SZT2: variants seen among roughly 807,000 people sequenced by gnomAD.
The protein encoded by SZT2 is SZT2 subunit of KICSTOR complex, also known as KICSTOR complex protein SZT2.
In SZT2, 216 loss-of-function variants were observed where a neutral mutation model predicts 404.2. The ratio of observed to expected loss-of-function variants is 0.53; its 90% confidence interval spans 0.48 to 0.60. SZT2 has a LOEUF of 0.60. Ranked by LOEUF, SZT2 falls within the 20% of genes least tolerant of loss-of-function variation. SZT2 has a pLI of 0.00. For missense variants in SZT2, 3,857 were observed against 4,459.2 expected (o/e 0.86, Z 3.85); for synonymous variants, 1,693 against 1,749.9 (o/e 0.97, Z 0.81).
At chr1:43,449,136 A>T (rs976613402) in intron 70 of SZT2, 1 of 206,238 alleles carries the variant, frequency 4.8e-6, no homozygotes. Context: ...CTCCGGCCAC[A>T]TTTCAGACTG....
At chr1:43,404,292 G>A in intron 3 of SZT2, 88 bp from the exon 4 acceptor site, 1 of 1,124,636 alleles carries the variant, frequency 8.9e-7, no homozygotes, top group Non-Finnish European at 1.3e-6. Context: ...TAAGTTAAGT[G>A]TCCTACTGAC....
rs1390897323 is a variant in SZT2 at position 43,451,223 on chromosome 1, G to A, written c.*743G>A. 1 of 1,613,222 alleles carries A rather than the reference G, an allele frequency of 6.2e-7. No homozygotes were observed. Among genetic ancestry groups the A allele is most frequent in the East Asian group, 2.2e-5 (1 of 44,878 alleles). On this transcript the variant is annotated 3_prime_UTR_variant, in exon 72 of 72. Transcript: ENST00000634258. ...TCACTCGCTGTCTGGAGGCACGTGG[G>A]TGGTGTGCGGGCCCTCACTGGCCAG...
rs1396964889 is a variant in SZT2, at chr1:43,453,704, C to T, written c.*3224C>T. 1.3e-5 allele frequency: 19 copies of T among 1,421,030 alleles called. No homozygotes were observed. The highest frequency in any genetic ancestry group is 1.7e-5 in the Non-Finnish European group (19 of 1,097,364). The allele number at this position is 1,421,030 out of a possible 1,614,324, so 88.0% of individuals were successfully genotyped here. A position where few individuals can be genotyped will look rare whatever the true frequency, so the allele number is the denominator to read the frequency against. ...AGGCCACCTCGACGGCCTCGAAGCCCGAGCTGCCCGCGGCCCGCACCCGCG... is the reference window on the plus strand; with the variant it reads ...AGGCCACCTCGACGGCCTCGAAGCCTGAGCTGCCCGCGGCCCGCACCCGCG... On this transcript the variant is annotated 3_prime_UTR_variant, in exon 72 of 72. Transcript: ENST00000634258.
At chr1:43,401,181 T>G (rs1466293494) in intron 1 of SZT2, among the ~76,000 whole-genome samples, 1 of 152,172 alleles carries the variant, frequency 6.6e-6, no homozygotes, top group Non-Finnish European at 1.5e-5. Context: ...CACCTCAATC[T>G]CCCAAAGTGT....
Position 43,441,628 on chromosome 1 carries a change from C to T in SZT2, c.7609+27C>T. On this transcript the variant is annotated intron_variant, in intron 54 of 71. Transcript: ENST00000634258. This position sits in a 1 kb window ranked among gnomAD's most constrained non-coding sequence, Gnocchi z 4.8. ...TGAGACCCCAGCCTCCCCTCCCATC[C>T]CTCAACCCCAGCCTGGTCTCCATCC... 1 of 1,613,966 alleles carries T rather than the reference C, an allele frequency of 6.2e-7. No individual in the cohort carries two copies. The highest frequency in any genetic ancestry group is 1.3e-5 in the African/African-American group (1 of 75,024).
rs1034982945 is a variant in SZT2 at position 43,424,480 on chromosome 1, G to A, written c.2471+48G>A. 1.9e-6 allele frequency: 3 copies of A among 1,568,436 alleles called. No homozygotes were observed. Among genetic ancestry groups the A allele is most frequent in the Admixed American group, 3.4e-5 (2 of 59,570 alleles). On this transcript the variant is annotated intron_variant, in intron 16 of 71. Transcript: ENST00000634258. The surrounding 1 kb of genome is among the most constrained non-coding windows in gnomAD (Gnocchi z 4.1). ...GTCACTCGGGGCAAGGAGAGAGCAA[G>A]TGTAGACTGGGACACTAGCAAAAAG...
At chr1:43,443,914 G>T in intron 62 of SZT2, 118 bp downstream of exon 62, 1 of 1,269,932 alleles carries the variant, frequency 7.9e-7, no homozygotes, top group Non-Finnish European at 1.1e-6. Flanking sequence ...GCCTGTGCAT[G>T]TTTATCCCAC....
At chr1:43,436,107 T>G (rs1298208047) in intron 42 of SZT2, 1 of 152,174 alleles carries the variant, frequency 6.6e-6, no homozygotes, top group Admixed American at 6.5e-5. Context: ...TTCTCCCTTC[T>G]CTTACTCCTG....
intron 1 of SZT2, among the ~76,000 whole-genome samples, chr1:43,393,266 T>A (rs1762343): frequency 0.66 from 99,731 of 152,056 alleles, 32,887 homozygotes; most frequent in African/African-American, 0.68. Flanking sequence ...AGCAACTCCT[T>A]GTGTGGATGC....
chr1:43,428,582 G>A, intron 28 of SZT2, 96 bp downstream of exon 28: 1 of 1,495,668 alleles, frequency 6.7e-7, no homozygotes, highest in Non-Finnish European at 8.9e-7. Flanking sequence ...GTGCAAGGTA[G>A]TATCTAAGCA....
At position 43,403,311 on chromosome 1, in the gene SZT2, T is replaced by C; in HGVS notation, c.153+9T>C. On this transcript the variant is annotated intron_variant, in intron 2 of 71. Transcript: ENST00000634258. ...CACCCCAGGAGATGCTGGTGAGGCT[T>C]AGACACACGAAAGGTGTGAGGGGCC... The C allele has an allele frequency of 5.0e-6, 8 of 1,611,384 alleles. No individual in the cohort carries two copies. Among genetic ancestry groups the C allele is most frequent in the Non-Finnish European group, 6.8e-6 (8 of 1,179,302 alleles).
In SZT2 at chr1:43,425,120, C is replaced by T. The variant is rs572872764; in HGVS notation, c.2558C>T (p.Pro853Leu). The change falls in exon 18 of 72, where the codon CCA (proline) becomes CTA (leucine). Residue 853 changes from proline to leucine, a missense_variant. Physicochemically the swap from Pro to Leu is moderately conservative, Grantham distance 98. Transcript: ENST00000634258. This position sits in a 1 kb window ranked among gnomAD's most constrained non-coding sequence, Gnocchi z 4.3. ...MVLELPIQNE[P>L]PGQAAAEEKH... ...CTCCCATTTTGCCCACAGAATGAAC[C>T]ACCAGGGCAGGCTGCAGCTGAAGAG... 1 of 1,614,178 alleles carries T rather than the reference C, an allele frequency of 6.2e-7. No individual in the cohort carries two copies. Among genetic ancestry groups the T allele is most frequent in the African/African-American group, 1.3e-5 (1 of 75,056 alleles).
chr1:43,446,436 GCAC>G lies in SZT2; in HGVS notation c.9072+21_9072+23del. 1 of 1,614,182 alleles carries G rather than the reference GCAC, an allele frequency of 6.2e-7. No homozygotes were observed. On this transcript the variant is annotated intron_variant, in intron 65 of 71. Transcript: ENST00000634258. ...TCACAGGTATGTGAATGAGCTGCGG[GCAC>G]AGTCAGTGCACCCCAGTGTGCTGTG...
rs1462412482 is a variant in SZT2 at position 43,443,239 on chromosome 1, GTTC to G, written c.8473_8475del (p.Ser2825del). ...AACCTGTTTGTAACCTGGCAGCAGC[GTTC>G]TACCCCAGCCACCATGCCCATCAGT... On this transcript the variant is annotated inframe_deletion, in exon 60 of 72. Transcript: ENST00000634258. 3.1e-6 allele frequency: 5 copies of G among 1,614,032 alleles called. No individual in the cohort carries two copies. In the African/African-American group the frequency reaches 5.3e-5, roughly 17 times the overall value.
At chr1:43,434,295 C>G (rs995165286) in intron 40 of SZT2, 91 bp from the exon 41 acceptor site, 17 of 1,101,988 alleles carry the variant, frequency 1.5e-5, no homozygotes. Flanking sequence ...CCTCGTGATA[C>G]GTATAACTGC....
Position 43,438,789 on chromosome 1 carries a change from A to C in SZT2, c.6599A>C (p.Asn2200Thr). The change falls in exon 47 of 72, where the codon AAC becomes ACC. Residue 2200 changes from asparagine (N) to threonine (T), a missense_variant. Around this residue, in one of 7 missense-constraint regions of SZT2, gnomAD observed 261 missense variants for 372.9 expected, o/e 0.70. Transcript: ENST00000634258. ...LDVITVMLVR[N>T]CKLTPADVEF... ...GTCATCACAGTTATGCTTGTTCGGAACTGCAAGCTGACACCAGCTGATGTG... is the reference window on the plus strand; with the variant it reads ...GTCATCACAGTTATGCTTGTTCGGACCTGCAAGCTGACACCAGCTGATGTG... 1 of 1,613,882 alleles carries C rather than the reference A, an allele frequency of 6.2e-7. No individual in the cohort carries two copies. Among genetic ancestry groups the C allele is most frequent in the Non-Finnish European group, 8.5e-7 (1 of 1,179,884 alleles).
At position 43,451,054 on chromosome 1, in the gene SZT2, C is replaced by T. The variant is rs757783499; in HGVS notation, c.*574C>T. The T allele has an allele frequency of 5.0e-5, 40 of 792,744 alleles. No individual in the cohort carries two copies. Among genetic ancestry groups the T allele is most frequent in the Non-Finnish European group, 7.7e-5 (34 of 444,398 alleles). The allele number at this position is 792,744 out of a possible 1,614,324, so 49.1% of individuals were successfully genotyped here. A position where few individuals can be genotyped will look rare whatever the true frequency, so the allele number is the denominator to read the frequency against. On this transcript the variant is annotated 3_prime_UTR_variant, in exon 72 of 72. Coordinates refer to ENST00000634258, the MANE Select transcript of SZT2 (RefSeq NM_001365999.1). ...GGGTTCAGAAGCTCTCCCATCTTCA[C>T]AGCAACCCTGGCACTGGCTTCTCAA...
At position 43,430,977 on chromosome 1, in the gene SZT2, C is replaced by T. The variant is rs200557206; in HGVS notation, c.4803C>T (p.Pro1601=). ...LGQVLSSLEG[P]PVGGRVPLRD... is the part of the protein sequence containing the mutation. ...AGGTGCTTTCCAGTCTGGAGGGCCC[C>T]CCAGTTGGAGGCCGAGTTCCCTTGA... The change falls in exon 33 of 72, where the codon CCC becomes CCT. Residue 1601 remains proline, a synonymous_variant. Coordinates refer to ENST00000634258, the MANE Select transcript of SZT2 (RefSeq NM_001365999.1). 8.1e-6 allele frequency: 13 copies of T among 1,614,034 alleles called. No homozygotes were observed. The highest frequency in any genetic ancestry group is 1.6e-4 in the Middle Eastern group (1 of 6,062).
chr1:43,422,237 T>C lies in SZT2; in HGVS notation c.1769+12T>C. The stretch of plus-strand genomic sequence containing the variant: ...CTGGAGCATGACACGTGGGTGCCCT[T>C]AGGGCTGGGCCATAGTTGGGGTGGA... On this transcript the variant is annotated intron_variant, in intron 12 of 71. Transcript: ENST00000634258. 6.4e-7 allele frequency: 1 copy of C among 1,571,038 alleles called. No individual in the cohort carries two copies. Among genetic ancestry groups the C allele is most frequent in the Non-Finnish European group, 8.6e-7 (1 of 1,159,600 alleles).
Sources: allele counts gnomAD v4.1 joint callset (sites outside exome capture counted in the v4.1 genomes callset), GRCh38; gene constraint gnomAD v4.1.1; regional missense constraint gnomAD v4.1.1; non-coding constraint Gnocchi (gnomAD v3.1); transcripts MANE v1.5; gene names NCBI Gene and HGNC (gene_info 2026-07-23, HGNC 2026-07-21).